The following TLK1 variants were observed in gnomAD, a reference collection of about 807,000 sequenced individuals.
TLK1 encodes the protein tousled like kinase 1, also known as serine/threonine-protein kinase tousled-like 1.
In TLK1, 24 loss-of-function variants were observed where a neutral mutation model predicts 105.3. The observed-to-expected ratio is 0.23, with a 90% CI of 0.17 to 0.32. The LOEUF (loss-of-function observed/expected upper bound fraction) is 0.32. TLK1 is among the 10% of genes least tolerant of loss of function. The pLI is 1.00. For synonymous variants in TLK1, 321 were observed against 310.4 expected (o/e 1.03, Z -0.36); for missense variants, 558 against 910.5 (o/e 0.61, Z 4.98).
intron 2 of TLK1, among the ~76,000 whole-genome samples, chr2:171,102,044 A>G (rs1400132373): frequency 6.6e-6 from 1 of 152,218 alleles, no homozygotes; most frequent in African/African-American, 2.4e-5. Context: ...CAAATTAAAT[A>G]TATGTTCTTT....
At chr2:171,074,636 A>G (rs1688417923) in intron 3 of TLK1, among the ~76,000 whole-genome samples, 1 of 151,658 alleles carries the variant, frequency 6.6e-6, no homozygotes, top group Non-Finnish European at 1.5e-5. Flanking sequence ...CAAAAAAAAA[A>G]AAAAAAAAAG....
intron 1 of TLK1, among the ~76,000 whole-genome samples, chr2:171,205,033 G>A (rs932764796): frequency 6.6e-6 from 1 of 152,062 alleles, no homozygotes; most frequent in Non-Finnish European, 1.5e-5. Context: ...GAGTGCAATG[G>A]AATATGCTAT....
intron 1 of TLK1, among the ~76,000 whole-genome samples, chr2:171,192,107 C>A (rs936171132): frequency 6.6e-6 from 1 of 152,142 alleles, no homozygotes; most frequent in Non-Finnish European, 1.5e-5. Flanking sequence ...TGGCTCACTG[C>A]AGCTTTGACC....
intron 1 of TLK1, among the ~76,000 whole-genome samples, chr2:171,213,543 G>A (rs1693659223): frequency 6.6e-6 from 1 of 151,326 alleles, no homozygotes; most frequent in Non-Finnish European, 1.5e-5. Flanking sequence ...TTTAGTTTGG[G>A]CCCGGTGGCT....
chr2:171,093,609 G>GA (rs1689332346), intron 2 of TLK1, among the ~76,000 whole-genome samples: 1 of 151,670 alleles, frequency 6.6e-6, no homozygotes, highest in African/African-American at 2.4e-5. Flanking sequence ...GTAGGAATCC[G>GA]AAAAATGTCA....
At chr2:171,054,486 A>G (rs1169236412) in intron 7 of TLK1, 5 of 152,294 alleles carry the variant, frequency 3.3e-5, no homozygotes, top group South Asian at 2.1e-4. Context: ...AGGATCATCC[A>G]AAGAAAGAGG....
intron 1 of TLK1, among the ~76,000 whole-genome samples, chr2:171,144,587 TAAA>T (rs1450668672): frequency 6.6e-6 from 1 of 151,130 alleles, no homozygotes; most frequent in Non-Finnish European, 1.5e-5. Flanking sequence ...TCAAATGAAA[TAAA>T]AAGAAAAATT....
chr2:171,177,489 A>G (rs2105305985), intron 1 of TLK1, among the ~76,000 whole-genome samples: 1 of 151,308 alleles, frequency 6.6e-6, no homozygotes, highest in Non-Finnish European at 1.5e-5. Context: ...ACCTCAAGAC[A>G]GAAAGCCCTT....
chr2:171,082,925 CAT>C, intron 2 of TLK1, 73 bp from the exon 3 acceptor site: 4 of 1,021,808 alleles, frequency 3.9e-6, no homozygotes, highest in African/African-American at 1.6e-5. Flanking sequence ...TTTAAACAAA[CAT>C]ATTACAAAGT....
At chr2:171,082,680 T>C (rs1688805347) in intron 3 of TLK1, 101 bp downstream of exon 3, 5 of 951,298 alleles carry the variant, frequency 5.3e-6, no homozygotes, top group Middle Eastern at 2.2e-4. Context: ...TTAAAAGCAT[T>C]AACCTTTAGC....
At chr2:171,070,627 T>C (rs987295451) in intron 3 of TLK1, among the ~76,000 whole-genome samples, 1 of 152,120 alleles carries the variant, frequency 6.6e-6, no homozygotes, top group African/African-American at 2.4e-5. Flanking sequence ...TATGGCTGAA[T>C]AGTACTCCAC....
At chr2:171,042,483 G>C (rs557062291) in intron 11 of TLK1, among the ~76,000 whole-genome samples, 2 of 151,984 alleles carry the variant, frequency 1.3e-5, no homozygotes, top group Non-Finnish European at 2.9e-5. Context: ...CTTGACCTCA[G>C]TGATCTTTCC....
intron 11 of TLK1, among the ~76,000 whole-genome samples, chr2:171,041,112 T>C (rs1686654747): frequency 6.6e-6 from 1 of 152,186 alleles, no homozygotes. Flanking sequence ...GTCAACAGAC[T>C]TTATCTAGAG....
At chr2:171,023,414 TAC>T (rs140384482) in intron 12 of TLK1, among the ~76,000 whole-genome samples, 1,521 of 147,084 alleles carry the variant, frequency 0.01, 12 homozygotes, top group Admixed American at 0.016. Context: ...CACTCACACA[TAC>T]ACACACACAC....
chr2:171,074,649 A>G lies in TLK1; in HGVS notation c.330+8132T>C, dbSNP rs569336916. Among the ~76,000 whole-genome samples the G allele has an allele frequency of 5.3e-5, 8 of 151,632 alleles. No individual in the cohort carries two copies. In the South Asian group the frequency reaches 1.7e-3, roughly 32 times the overall value. On this transcript the variant is annotated intron_variant, in intron 3 of 20. Transcript: ENST00000431350. ...CTCAAAAAAAAAAAAAAAAAAAGAA[A>G]GAAAGAAAGAAGAAAAAACCAATGA...
chr2:171,048,356 T>C (rs1235192887), intron 10 of TLK1, among the ~76,000 whole-genome samples: 7 of 152,222 alleles, frequency 4.6e-5, no homozygotes, highest in African/African-American at 1.2e-4. Flanking sequence ...TGCAGGACAA[T>C]TGCCGGTCTG....
intron 2 of TLK1, among the ~76,000 whole-genome samples, chr2:171,087,383 T>C (rs1271227081): frequency 6.6e-6 from 1 of 152,104 alleles, no homozygotes; most frequent in Non-Finnish European, 1.5e-5. Context: ...TGAATGGGCT[T>C]AACAGAAGAA....
chr2:171,200,279 G>C (rs1693372338), intron 1 of TLK1, among the ~76,000 whole-genome samples: 1 of 152,020 alleles, frequency 6.6e-6, no homozygotes, highest in Non-Finnish European at 1.5e-5. Context: ...TCAAGTGCTT[G>C]TTTTTTCTAC....
intron 12 of TLK1, among the ~76,000 whole-genome samples, chr2:171,026,509 T>C (rs1685779667): frequency 6.6e-6 from 1 of 152,142 alleles, no homozygotes; most frequent in Non-Finnish European, 1.5e-5. Flanking sequence ...TAAAATAAGG[T>C]GCATATGTAA....
Sources: gnomAD v4.1 joint callset for allele counts (sites outside exome capture counted in the v4.1 genomes callset) on GRCh38, gnomAD v4.1.1 for gene constraint, MANE v1.5 for transcripts, NCBI Gene and HGNC (gene_info 2026-07-23, HGNC 2026-07-21) for gene names.